The following ROBO2 variants were observed in gnomAD, a reference collection of about 807,000 sequenced individuals.
ROBO2 encodes the protein roundabout homolog 2.
In ROBO2, 53 loss-of-function variants were observed where a neutral mutation model predicts 160.8. That is an observed-to-expected ratio of 0.33 (90% CI 0.26 to 0.41). The LOEUF is 0.41. Among genes scored for constraint, ROBO2 ranks in the 10% least tolerant of loss-of-function variants. The pLI, the probability that ROBO2 is intolerant of heterozygous loss-of-function variation, is 1.00. For synonymous variants in ROBO2, 664 were observed against 611.7 expected (o/e 1.09, Z -1.26); for missense variants, 1,577 against 1,722.4 (o/e 0.92, Z 1.49).
chr3:76,765,236 A>G (rs1287807249), intron 2 of ROBO2, among the ~76,000 whole-genome samples: 2 of 151,752 alleles, frequency 1.3e-5, no homozygotes, highest in African/African-American at 2.4e-5. Context: ...TATGAAATAC[A>G]TAACATCTTT....
chr3:77,317,096 C>A, intron 2 of ROBO2: 1 of 1,344,578 alleles, frequency 7.4e-7, no homozygotes, highest in Non-Finnish European at 1.1e-6. Context: ...TAGCCAACTG[C>A]AAAGTTGCTC....
chr3:76,202,212 C>A (rs1185951212), intron 2 of ROBO2, among the ~76,000 whole-genome samples: 2 of 152,086 alleles, frequency 1.3e-5, no homozygotes, highest in Non-Finnish European at 2.9e-5. Flanking sequence ...TTGAATGAAG[C>A]CCTTCGACTG....
chr3:76,464,160 G>A (rs185462813), intron 2 of ROBO2, among the ~76,000 whole-genome samples: 1 of 152,226 alleles, frequency 6.6e-6, no homozygotes, highest in Admixed American at 6.5e-5. Context: ...ATTGTCCTAA[G>A]TTGTAGTAGA....
chr3:76,731,496 A>C (rs1246120625), intron 2 of ROBO2, among the ~76,000 whole-genome samples: 1 of 151,956 alleles, frequency 6.6e-6, no homozygotes, highest in Non-Finnish European at 1.5e-5. Flanking sequence ...TTTTTTTTCA[A>C]GTTCTTTCTC....
At chr3:76,299,113 A>G (rs1450984117) in intron 2 of ROBO2, among the ~76,000 whole-genome samples, 1 of 152,228 alleles carries the variant, frequency 6.6e-6, no homozygotes, top group East Asian at 1.9e-4. Context: ...TCCTGTTTGC[A>G]AGGAGCTCAC....
intron 2 of ROBO2, among the ~76,000 whole-genome samples, chr3:76,424,825 A>G (rs756748875): frequency 2.0e-5 from 3 of 152,170 alleles, no homozygotes; most frequent in Non-Finnish European, 4.4e-5. Context: ...TTTATTGCCA[A>G]TCGTGCTACA....
At chr3:77,389,210 C>T (rs2074448764) in intron 2 of ROBO2, among the ~76,000 whole-genome samples, 1 of 152,196 alleles carries the variant, frequency 6.6e-6, no homozygotes, top group Non-Finnish European at 1.5e-5. Context: ...TCCCAAAGTG[C>T]TGGGATTACA....
intron 2 of ROBO2, among the ~76,000 whole-genome samples, chr3:76,104,415 A>C (rs2069833331): frequency 6.6e-6 from 1 of 152,208 alleles, no homozygotes; most frequent in African/African-American, 2.4e-5. Context: ...GGTAGATAGT[A>C]TACAGACTTG....
chr3:76,928,993 C>T (rs2077163714), intron 2 of ROBO2, among the ~76,000 whole-genome samples: 1 of 152,174 alleles, frequency 6.6e-6, no homozygotes. Context: ...GGTGTGGTGG[C>T]TCACACTTGT....
In ROBO2 at chr3:76,221,856, G is replaced by A. The variant is rs554157382; in HGVS notation, c.109+284254G>A. Among the ~76,000 whole-genome samples the A allele has an allele frequency of 6.0e-4, 92 of 152,120 alleles. 2 individuals carry two copies. Among genetic ancestry groups the A allele is most frequent in the African/African-American group, 2.0e-3 (84 of 41,484 alleles). ...TTATAAGTCCACGGATGGTAGTTTCGGTGGAAGCATTGCACCCACGGAAGA... is the reference window on the plus strand; with the variant it reads ...TTATAAGTCCACGGATGGTAGTTTCAGTGGAAGCATTGCACCCACGGAAGA... On this transcript the variant is annotated intron_variant, in intron 2 of 26. Transcript: ENST00000487694.
intron 2 of ROBO2, among the ~76,000 whole-genome samples, chr3:76,961,117 G>A (rs1048857596): frequency 5.3e-5 from 8 of 151,738 alleles, no homozygotes; most frequent in Non-Finnish European, 1.2e-4. Flanking sequence ...TTTTTGAAGG[G>A]ACATAGTTTT....
At chr3:77,359,007 T>C (rs907181719) in intron 2 of ROBO2, among the ~76,000 whole-genome samples, 1 of 152,230 alleles carries the variant, frequency 6.6e-6, no homozygotes, top group Non-Finnish European at 1.5e-5. Flanking sequence ...CTTCTCTGAC[T>C]GAAAGCCTTA....
At chr3:76,842,812 G>T (rs1238688514) in intron 2 of ROBO2, among the ~76,000 whole-genome samples, 2 of 152,028 alleles carry the variant, frequency 1.3e-5, no homozygotes, top group Non-Finnish European at 2.9e-5. Flanking sequence ...CAGTGCTAAG[G>T]ACTTTCCATA....
chr3:76,746,178 G>A (rs1560487377), intron 2 of ROBO2, among the ~76,000 whole-genome samples: 1 of 151,756 alleles, frequency 6.6e-6, no homozygotes, highest in Non-Finnish European at 1.5e-5. Flanking sequence ...CTTTTTTATG[G>A]CTGCATAGTA....
chr3:77,559,404 A>T (rs1371796644), intron 9 of ROBO2, among the ~76,000 whole-genome samples: 2 of 152,086 alleles, frequency 1.3e-5, no homozygotes, highest in Admixed American at 1.3e-4. Flanking sequence ...AGCAAGTGCT[A>T]TGTGAAAGCT....
rs2092350508 is a variant in ROBO2 at position 76,674,382 on chromosome 3, C to T, written c.110-423632C>T. On this transcript the variant is annotated intron_variant, in intron 2 of 26. Coordinates refer to the ROBO2 transcript ENST00000487694. ...AGGTGGGAAAACGTGTAGTGCTGGG[C>T]ACCAGGTCACTGTCAGCACTCCCCA... 2.0e-5 allele frequency among the ~76,000 whole-genome samples: 3 copies of T among 151,918 alleles called. No individual in the cohort carries two copies. In the South Asian group the frequency reaches 6.3e-4, roughly 32 times the overall value.
chr3:77,180,388 T>TTCTCTCTC lies in ROBO2; in HGVS notation c.388+82070_388+82077dup, dbSNP rs369947015. ...AAATGTTTCTAAACTACCTTTTGAA[T>TTCTCTCTC]TCTCTCTCTCTCTCTCTCTCTCTCT... On this transcript the variant is annotated intron_variant, in intron 2 of 25. Transcript: ENST00000461745. 4.7e-3 allele frequency among the ~76,000 whole-genome samples: 466 copies of TTCTCTCTC among 99,278 alleles called. 10 individuals carry two copies. Among genetic ancestry groups the TTCTCTCTC allele is most frequent in the Non-Finnish European group, 7.7e-3 (363 of 47,006 alleles). The allele number at this position is 99,278 out of a possible 152,430, so 65.1% of individuals were successfully genotyped here. A position where few individuals can be genotyped will look rare whatever the true frequency, so the allele number is the denominator to read the frequency against.
rs1441342329 is a variant in ROBO2, at chr3:76,458,066, A to G, written c.109+520464A>G. Among the ~76,000 whole-genome samples, 4 of 152,266 alleles carry G rather than the reference A, an allele frequency of 2.6e-5. No individual in the cohort carries two copies. In the East Asian group the frequency reaches 7.7e-4, roughly 29 times the overall value. On this transcript the variant is annotated intron_variant, in intron 2 of 26. Coordinates refer to the ROBO2 transcript ENST00000487694. ...TTTCACCATGGTCTTGAGGATTAAC[A>G]TTAGGCTCCTTGCTACTTATGCAAA...
At chr3:76,764,252 A>C (rs2061460010) in intron 2 of ROBO2, among the ~76,000 whole-genome samples, 1 of 96,936 alleles carries the variant, frequency 1.0e-5, no homozygotes, top group African/African-American at 4.0e-5. Flanking sequence ...CGGCTAAGTT[A>C]AATTATGTCA....
Sources: allele counts gnomAD v4.1 joint callset (sites outside exome capture counted in the v4.1 genomes callset), GRCh38; gene constraint gnomAD v4.1.1; transcripts MANE v1.5; gene names NCBI Gene and HGNC (gene_info 2026-07-23, HGNC 2026-07-21).